Variants in ARHGEF28 observed in about 807,000 individuals in gnomAD.
ARHGEF28 encodes Rho guanine nucleotide exchange factor 28, also known as 190 kDa guanine nucleotide exchange factor.
In ARHGEF28, 152 loss-of-function variants were observed where a neutral mutation model predicts 206.6. The observed-to-expected ratio is 0.74, with a 90% CI of 0.64 to 0.84. The LOEUF (loss-of-function observed/expected upper bound fraction) is 0.84. Among genes scored for constraint, ARHGEF28 ranks in the 40% least tolerant of loss-of-function variants. ARHGEF28 has a pLI of 0.00. For missense variants in ARHGEF28, 2,028 were observed against 2,073.2 expected, an observed-to-expected ratio of 0.98 and a Z score of 0.42; for synonymous variants, 763 against 776.4, an observed-to-expected ratio of 0.98 and a Z score of 0.29.
chr5:73,897,911 T>C, intron 29 of ARHGEF28, 51 bp from the exon 30 acceptor site: 1 of 1,532,396 alleles, frequency 6.5e-7, no homozygotes, highest in Non-Finnish European at 8.8e-7. Flanking sequence ...CTAGATTAAA[T>C]ATATACCTAT....
At chr5:73,708,937 C>T (rs113578361) in intron 2 of ARHGEF28, among the ~76,000 whole-genome samples, 22 of 152,124 alleles carry the variant, frequency 1.4e-4, no homozygotes, top group African/African-American at 3.6e-4. Context: ...ATCTCTCTAA[C>T]GATTAGTGAT....
chr5:73,869,537 C>T (rs1759950498), intron 20 of ARHGEF28, among the ~76,000 whole-genome samples: 1 of 152,172 alleles, frequency 6.6e-6, no homozygotes, highest in Admixed American at 6.5e-5. Flanking sequence ...CATATGAACA[C>T]TCTTTTTAAA....
chr5:73,698,847 G>A (rs553201524), intron 2 of ARHGEF28, among the ~76,000 whole-genome samples: 1 of 151,804 alleles, frequency 6.6e-6, no homozygotes, highest in African/African-American at 2.4e-5. Context: ...CAAGGAGAAG[G>A]CGTGGTCTGA....
intron 16 of ARHGEF28, among the ~76,000 whole-genome samples, chr5:73,862,224 C>T (rs568702976): frequency 1.5e-4 from 23 of 152,216 alleles, no homozygotes; most frequent in South Asian, 4.1e-4. Flanking sequence ...ATATATCATA[C>T]CTTCATTGCA....
chr5:73,776,684 C>T lies in ARHGEF28; in HGVS notation c.828C>T (p.Ala276=). 1 of 1,612,668 alleles carries T rather than the reference C, an allele frequency of 6.2e-7. No homozygotes were observed. The highest frequency in any genetic ancestry group is 8.5e-7 in the Non-Finnish European group (1 of 1,179,062). Residue 276 remains alanine (A), a synonymous_variant, in exon 6 of 36, where the codon GCC becomes GCT. Coordinates refer to ENST00000513042, the MANE Select transcript of ARHGEF28 (RefSeq NM_001177693.2). ...TCCGGAAATACTTTTGGGATAGAGC[C>T]TTTCTTGTCAAGGTTTGTACATAGT... The part of the protein sequence containing the change: ...KLFRKYFWDR[A]FLVKAFEPEA...
At chr5:73,768,608 T>A (rs545285841) in intron 4 of ARHGEF28, among the ~76,000 whole-genome samples, 1 of 152,258 alleles carries the variant, frequency 6.6e-6, no homozygotes, top group Non-Finnish European at 1.5e-5. Context: ...CCCCATTGTA[T>A]CTAGGAAGTA....
At chr5:73,720,680 A>G (rs774845882) in intron 2 of ARHGEF28, among the ~76,000 whole-genome samples, 2 of 152,176 alleles carry the variant, frequency 1.3e-5, no homozygotes, top group Non-Finnish European at 2.9e-5. Flanking sequence ...CGTGAAGGAG[A>G]GTCATGGGCT....
chr5:73,908,746 A>G (rs574615140), intron 33 of ARHGEF28: 1 of 152,296 alleles, frequency 6.6e-6, no homozygotes, highest in East Asian at 1.9e-4. Flanking sequence ...AATAAATTTC[A>G]GCTTAGTTTT....
At chr5:73,818,420 A>G (rs1756363368) in intron 9 of ARHGEF28, among the ~76,000 whole-genome samples, 1 of 152,032 alleles carries the variant, frequency 6.6e-6, no homozygotes, top group South Asian at 2.1e-4. Flanking sequence ...GTCAAGTTTC[A>G]TCAGATGTAC....
intron 1 of ARHGEF28, among the ~76,000 whole-genome samples, chr5:73,641,644 A>G (rs1580430939): frequency 6.6e-6 from 1 of 152,148 alleles, no homozygotes; most frequent in East Asian, 1.9e-4. Flanking sequence ...TATTCCTACC[A>G]CAGAAGACAG....
chr5:73,737,501 T>TCTTTTCTTTTCTTTTCTTTTCTTTG (rs2112365026), intron 2 of ARHGEF28, among the ~76,000 whole-genome samples: 2 of 117,406 alleles, frequency 1.7e-5, no homozygotes, highest in South Asian at 5.1e-4. Context: ...TCTTTTCTTT[T>TCTTTTCTTTTCTTTTCTTTTCTTTG]CTTTTCTTTT....
intron 2 of ARHGEF28, among the ~76,000 whole-genome samples, chr5:73,737,760 G>A (rs1042241517): frequency 2.6e-5 from 4 of 151,896 alleles, no homozygotes; most frequent in Non-Finnish European, 4.4e-5. Context: ...CAGGTGATCC[G>A]CCTGCCTCGG....
intron 35 of ARHGEF28, among the ~76,000 whole-genome samples, chr5:73,936,687 C>G (rs528175780): frequency 4.6e-5 from 7 of 152,242 alleles, no homozygotes; most frequent in Admixed American, 3.9e-4. Flanking sequence ...AGATTTTATT[C>G]ACATCACAGT....
chr5:73,700,518 A>T (rs1748532976), intron 2 of ARHGEF28, among the ~76,000 whole-genome samples: 1 of 152,212 alleles, frequency 6.6e-6, no homozygotes, highest in Non-Finnish European at 1.5e-5. Context: ...GTCAGTGGGT[A>T]CAAAGTTGCA....
intron 35 of ARHGEF28, among the ~76,000 whole-genome samples, chr5:73,925,998 C>T (rs1162232115): frequency 6.6e-6 from 1 of 152,164 alleles, no homozygotes; most frequent in Non-Finnish European, 1.5e-5. Context: ...GTCTGTTTAA[C>T]TTTCAAGAAA....
At chr5:73,710,343 T>G (rs1749165894) in intron 2 of ARHGEF28, among the ~76,000 whole-genome samples, 1 of 152,244 alleles carries the variant, frequency 6.6e-6, no homozygotes, top group South Asian at 2.1e-4. Flanking sequence ...ACTTGCTATT[T>G]ATAGCTTTTC....
intron 2 of ARHGEF28, among the ~76,000 whole-genome samples, chr5:73,687,326 T>C (rs1361413004): frequency 2.0e-5 from 3 of 151,968 alleles, no homozygotes; most frequent in Non-Finnish European, 4.4e-5. Context: ...TCTAGTAGAA[T>C]ATTAAATGTA....
At chr5:73,817,558 C>T (rs1756299924) in intron 9 of ARHGEF28, among the ~76,000 whole-genome samples, 1 of 151,988 alleles carries the variant, frequency 6.6e-6, no homozygotes, top group African/African-American at 2.4e-5. Flanking sequence ...GGAACAGTAA[C>T]CATGGTAGAA....
At chr5:73,937,412 C>G (rs1474275017) in intron 35 of ARHGEF28, among the ~76,000 whole-genome samples, 1 of 152,106 alleles carries the variant, frequency 6.6e-6, no homozygotes, top group African/African-American at 2.4e-5. Flanking sequence ...GGCTTTGGGG[C>G]TTTTATGTGT....
Sources: gnomAD v4.1 joint callset for allele counts (sites outside exome capture counted in the v4.1 genomes callset) on GRCh38, gnomAD v4.1.1 for gene constraint, MANE v1.5 for transcripts, NCBI Gene and HGNC (gene_info 2026-07-23, HGNC 2026-07-21) for gene names.